AIDA: variants seen among roughly 807,000 people sequenced by gnomAD.
AIDA encodes the protein axin interactor, dorsalization-associated protein.
A neutral mutation model predicts 42.7 loss-of-function variants in AIDA; 18 were observed. That is an observed-to-expected ratio of 0.42 (90% CI 0.29 to 0.63). The LOEUF (loss-of-function observed/expected upper bound fraction) is 0.63. Among genes scored for constraint, AIDA ranks in the 20% least tolerant of loss-of-function variants. The pLI is 0.19. For synonymous variants in AIDA, 104 were observed against 122.9 expected (o/e 0.85, Z 1.02); for missense variants, 250 against 354.1 (o/e 0.71, Z 2.36).
intron 2 of AIDA, among the ~76,000 whole-genome samples, chr1:222,701,449 T>A (rs1479347765): frequency 2.6e-5 from 4 of 152,228 alleles, no homozygotes; most frequent in Non-Finnish European, 5.9e-5. Flanking sequence ...TCCATATTCA[T>A]AACACATTCT....
intron 6 of AIDA, among the ~76,000 whole-genome samples, chr1:222,677,400 TTTTA>T (rs976228186): frequency 5.8e-4 from 88 of 152,290 alleles, no homozygotes; most frequent in African/African-American, 2.0e-3. Context: ...AATTTTTATA[TTTTA>T]TTTCTTTTTC....
Position 222,668,237 on chromosome 1 carries a change from T to C in AIDA, c.*1656A>G, listed in dbSNP as rs1301213051. On this transcript the variant is annotated 3_prime_UTR_variant, in exon 10 of 10. Coordinates refer to ENST00000340020, the MANE Select transcript of AIDA (RefSeq NM_022831.4). ...CTTGTCAGCAACATCAAACAAAAGG[T>C]ACTGAGTACTCCACAGGGTACAGAG... is the stretch of plus-strand genomic sequence containing the variant. 1 of 148,790 alleles carries C rather than the reference T, an allele frequency of 6.7e-6. No homozygotes were observed. Among genetic ancestry groups the C allele is most frequent in the Non-Finnish European group, 1.5e-5 (1 of 67,378 alleles). 9.2% of individuals were successfully genotyped at this position (148,790 alleles called of 1,614,324 possible).
intron 6 of AIDA, among the ~76,000 whole-genome samples, chr1:222,681,047 C>G (rs761664733): frequency 3.3e-5 from 5 of 152,050 alleles, no homozygotes; most frequent in African/African-American, 4.8e-5. Context: ...TCTATTGAGT[C>G]TAAAAATTTT....
chr1:222,693,835 C>T lies in AIDA; in HGVS notation c.243G>A (p.Gln81=). ...ELRSAALQST[Q]SQEEFKLEDL... ...CCTCCAGTTTAAATTCTTCTTGAGA[C>T]TGTGTGGACTAAATTTAAAATAAGC... is the stretch of plus-strand genomic sequence containing the variant. The change falls in exon 4 of 10, where the codon CAG becomes CAA. Residue 81 remains glutamine, a synonymous_variant. Transcript: ENST00000340020. The T allele has an allele frequency of 6.2e-7, 1 of 1,607,550 alleles. No homozygotes were observed. Among genetic ancestry groups the T allele is most frequent in the Admixed American group, 1.7e-5 (1 of 59,952 alleles).
intron 2 of AIDA, among the ~76,000 whole-genome samples, chr1:222,698,093 A>G (rs1655572144): frequency 6.6e-6 from 1 of 152,220 alleles, no homozygotes; most frequent in Non-Finnish European, 1.5e-5. Flanking sequence ...TGGTTACCAA[A>G]CCCAGTTGTT....
At chr1:222,674,979 A>G (rs1370937569) in intron 7 of AIDA, among the ~76,000 whole-genome samples, 1 of 152,236 alleles carries the variant, frequency 6.6e-6, no homozygotes, top group Non-Finnish European at 1.5e-5. Context: ...CTATCAAACT[A>G]TAATGTAGAG....
chr1:222,671,852 C>T (rs1025552394), intron 8 of AIDA, among the ~76,000 whole-genome samples: 1 of 152,178 alleles, frequency 6.6e-6, no homozygotes, highest in Non-Finnish European at 1.5e-5. Flanking sequence ...CTAGGAAACC[C>T]ATCTCCTCCT....
At chr1:222,686,597 C>G (rs1346405468) in intron 6 of AIDA, among the ~76,000 whole-genome samples, 1 of 152,110 alleles carries the variant, frequency 6.6e-6, no homozygotes, top group Admixed American at 6.5e-5. Flanking sequence ...CTGGTTTCCT[C>G]CAGACTTTGC....
In AIDA at chr1:222,671,256, C is replaced by T. The variant is rs115768988; in HGVS notation, c.707-1006G>A. Among the ~76,000 whole-genome samples, 1,271 of 152,032 alleles carry T rather than the reference C, an allele frequency of 8.4e-3. 13 individuals are homozygous for T. Among genetic ancestry groups the T allele is most frequent in the African/African-American group, 0.029 (1,209 of 41,470 alleles). ...AAAAGAAAAAAATAAGAAATTTAGA[C>T]GGTCCTATGTCCCCAAAGTCCAACA... On this transcript the variant is annotated intron_variant, in intron 8 of 9. Coordinates refer to ENST00000340020, the MANE Select transcript of AIDA (RefSeq NM_022831.4).
At chr1:222,701,293 GT>G (rs1285935219) in intron 2 of AIDA, among the ~76,000 whole-genome samples, 2 of 152,226 alleles carry the variant, frequency 1.3e-5, no homozygotes, top group East Asian at 3.9e-4. Context: ...TTTTTGGTGT[GT>G]TTTAGGTCAA....
intron 6 of AIDA, among the ~76,000 whole-genome samples, chr1:222,680,054 T>C (rs1664626672): frequency 6.6e-6 from 1 of 152,226 alleles, no homozygotes; most frequent in Non-Finnish European, 1.5e-5. Context: ...CCTTTAAATA[T>C]GCACTAAAGA....
At position 222,703,232 on chromosome 1, in the gene AIDA, CAT is replaced by C; in HGVS notation, c.111-17_111-16del. On this transcript the variant is annotated splice_polypyrimidine_tract_variant and intron_variant, in intron 1 of 9. Coordinates refer to ENST00000340020, the MANE Select transcript of AIDA (RefSeq NM_022831.4). ...GTCTTGCTAATCTGTAAGAAGAAAA[CAT>C]ATTCTTTAGAATGGAAGAAAAGCAA... is the stretch of plus-strand genomic sequence containing the variant. The C allele has an allele frequency of 1.3e-6, 2 of 1,590,950 alleles. No homozygotes were observed. The highest frequency in any genetic ancestry group is 2.2e-5 in the East Asian group (1 of 44,458).
chr1:222,685,882 G>A lies in AIDA; in HGVS notation c.460+1048C>T, dbSNP rs573574967. Among the ~76,000 whole-genome samples the A allele has an allele frequency of 1.4e-3, 212 of 152,326 alleles. 1 individual carries two copies. The highest frequency in any genetic ancestry group is 2.4e-3 in the Non-Finnish European group (165 of 68,030). On this transcript the variant is annotated intron_variant, in intron 6 of 9. Coordinates refer to ENST00000340020, the MANE Select transcript of AIDA (RefSeq NM_022831.4). The stretch of plus-strand genomic sequence containing the variant: ...ATTAATTAAAGAAGTACTTATGGCC[G>A]GGCGCAATGGCTCATGCCTGTAAAC...
intron 1 of AIDA, among the ~76,000 whole-genome samples, chr1:222,705,068 T>G (rs1655803280): frequency 6.6e-6 from 1 of 152,206 alleles, no homozygotes; most frequent in Non-Finnish European, 1.5e-5. Flanking sequence ...TCTATCCAAT[T>G]TATGAAAGGT....
intron 7 of AIDA, among the ~76,000 whole-genome samples, chr1:222,673,948 G>A (rs1048747840): frequency 3.3e-5 from 5 of 151,824 alleles, no homozygotes; most frequent in Non-Finnish European, 4.4e-5. Flanking sequence ...TTAGCCAGGC[G>A]TGGTGGTGCA....
At chr1:222,688,152 C>T (rs570356377) in intron 4 of AIDA, among the ~76,000 whole-genome samples, 1 of 152,094 alleles carries the variant, frequency 6.6e-6, no homozygotes, top group East Asian at 1.9e-4. Context: ...CCTGGGAGGT[C>T]AAGGCTGCAG....
At chr1:222,689,569 GTATA>G (rs201614137) in intron 4 of AIDA, among the ~76,000 whole-genome samples, 3 of 100,468 alleles carry the variant, frequency 3.0e-5, no homozygotes, top group African/African-American at 4.2e-5. Context: ...GTATATATAT[GTATA>G]TATATATACA....
intron 1 of AIDA, 33 bp downstream of exon 1, chr1:222,712,175 C>G: frequency 1.3e-6 from 2 of 1,567,110 alleles, no homozygotes; most frequent in Non-Finnish European, 1.7e-6. Context: ...CGACTGGAGC[C>G]GGTCTGGCCT....
chr1:222,688,894 G>T (rs1050033160), intron 4 of AIDA, among the ~76,000 whole-genome samples: 5 of 152,080 alleles, frequency 3.3e-5, no homozygotes, highest in African/African-American at 1.2e-4. Flanking sequence ...CCTCAGGCAG[G>T]TCCTTCAGGA....
Sources: gnomAD v4.1 joint callset for allele counts (sites outside exome capture counted in the v4.1 genomes callset) on GRCh38, gnomAD v4.1.1 for gene constraint, MANE v1.5 for transcripts, NCBI Gene and HGNC (gene_info 2026-07-23, HGNC 2026-07-21) for gene names.